RALGPS2: variants seen among roughly 807,000 people sequenced by gnomAD.
RALGPS2 encodes ras-specific guanine nucleotide-releasing factor RalGPS2.
RALGPS2 carries 43 observed loss-of-function variants against 86.8 expected under a neutral mutation model. The observed-to-expected ratio is 0.50, with a 90% confidence interval of 0.39 to 0.64. RALGPS2 has a LOEUF of 0.64. Among genes scored for constraint, RALGPS2 ranks in the 30% least tolerant of loss-of-function variants. The probability of loss-of-function intolerance (pLI) is 0.00; values close to 1 mark genes in which losing one functional copy is unlikely to be tolerated. For missense variants in RALGPS2, 536 were observed against 694.6 expected (o/e 0.77, Z 2.57); for synonymous variants, 243 against 231.3 (o/e 1.05, Z -0.46).
chr1:178,800,870 A>G (rs1469752527), intron 4 of RALGPS2, among the ~76,000 whole-genome samples: 1 of 152,044 alleles, frequency 6.6e-6, no homozygotes, highest in Admixed American at 6.6e-5. Context: ...AAGGGTGGAG[A>G]GAGGGCTGTG....
chr1:178,817,323 C>T (rs1263422841), intron 6 of RALGPS2, among the ~76,000 whole-genome samples: 23 of 125,044 alleles, frequency 1.8e-4, no homozygotes, highest in African/African-American at 6.5e-4. Flanking sequence ...CCAGCCTGGG[C>T]GACAGAGACT....
chr1:178,812,402 A>T lies in RALGPS2; in HGVS notation c.387+998A>T, dbSNP rs147777144. Among the ~76,000 whole-genome samples the T allele has an allele frequency of 5.9e-3, 896 of 152,248 alleles. 15 individuals carry two copies. The highest frequency in any genetic ancestry group is 0.021 in the African/African-American group (870 of 41,534). On this transcript the variant is annotated intron_variant, in intron 6 of 19. Coordinates refer to ENST00000367635, the MANE Select transcript of RALGPS2 (RefSeq NM_152663.5). ...TCTCAGAGCTACCCTCAGAAAGAAT[A>T]GTTGGGGTCGCCTATGGTTGAGTTA... is the stretch of plus-strand genomic sequence containing the variant.
Position 178,725,270 on chromosome 1 carries a change from G to GCA in RALGPS2, c.-233_-232insCA, listed in dbSNP as rs1558088559. ...CTCTCCTCCCCCGAGCGGCAGCGGC[G>GCA]GCGGCGGCGGCGGCTGCTGCGGGCG... On this transcript the variant is annotated 5_prime_UTR_variant, in exon 1 of 20. Coordinates refer to ENST00000367635, the MANE Select transcript of RALGPS2 (RefSeq NM_152663.5). 4.4e-4 allele frequency: 13 copies of GCA among 29,582 alleles called. No individual in the cohort carries two copies. The highest frequency in any genetic ancestry group is 1.3e-3 in the Admixed American group (3 of 2,230). 1.8% of individuals were successfully genotyped at this position (29,582 alleles called of 1,614,324 possible).
intron 8 of RALGPS2, among the ~76,000 whole-genome samples, chr1:178,873,239 C>G (rs1294991544): frequency 1.3e-5 from 2 of 151,896 alleles, no homozygotes; most frequent in Non-Finnish European, 2.9e-5. Flanking sequence ...TGAAGGGTGA[C>G]TAGATAAAAT....
intron 1 of RALGPS2, among the ~76,000 whole-genome samples, chr1:178,768,208 A>G (rs890759544): frequency 5.3e-5 from 8 of 152,122 alleles, no homozygotes; most frequent in African/African-American, 1.9e-4. Context: ...GTTAGGGACC[A>G]TTGCTGGAGA....
At chr1:178,764,660 A>G (rs1558108366) in intron 1 of RALGPS2, among the ~76,000 whole-genome samples, 1 of 152,146 alleles carries the variant, frequency 6.6e-6, no homozygotes, top group Non-Finnish European at 1.5e-5. Context: ...ATCTGGTGTA[A>G]TGAAATCCCT....
intron 10 of RALGPS2, 132 bp downstream of exon 10, chr1:178,879,124 G>A: frequency 1.6e-6 from 2 of 1,284,736 alleles, no homozygotes; most frequent in Non-Finnish European, 2.1e-6. Context: ...CAGCAGTAAA[G>A]GTACTAACAT....
At chr1:178,823,326 C>G (rs1655597933) in intron 7 of RALGPS2, among the ~76,000 whole-genome samples, 1 of 152,134 alleles carries the variant, frequency 6.6e-6, no homozygotes, top group African/African-American at 2.4e-5. Flanking sequence ...GCTATGCACT[C>G]TGTAATTGCT....
At position 178,907,636 on chromosome 1, in the gene RALGPS2, T is replaced by G. The variant is rs1308000943; in HGVS notation, c.1722+769T>G. ...AACACATAGCCACATTTATAGAAAT[T>G]TATATAGACTTTTTGTAGAACCAGT... is the stretch of plus-strand genomic sequence containing the variant. On this transcript the variant is annotated intron_variant, in intron 19 of 19. Transcript: ENST00000367635. Among the ~76,000 whole-genome samples, 3 of 152,202 alleles carry G rather than the reference T, an allele frequency of 2.0e-5. No homozygotes were observed. The East Asian group carries it at 5.8e-4, about 29-fold the overall frequency.
At chr1:178,899,134 T>C (rs1660061195) in intron 17 of RALGPS2, among the ~76,000 whole-genome samples, 1 of 151,954 alleles carries the variant, frequency 6.6e-6, no homozygotes, top group Admixed American at 6.6e-5. Flanking sequence ...AAAGTCCAAA[T>C]TAGAGAAGTT....
chr1:178,910,528 T>A (rs1405516013), intron 19 of RALGPS2, among the ~76,000 whole-genome samples: 1 of 152,214 alleles, frequency 6.6e-6, no homozygotes, highest in Non-Finnish European at 1.5e-5. Flanking sequence ...TCATATGGTT[T>A]TCTGTTTTTA....
At chr1:178,834,029 C>G (rs1371676522) in intron 8 of RALGPS2, among the ~76,000 whole-genome samples, 1 of 152,054 alleles carries the variant, frequency 6.6e-6, no homozygotes, top group Non-Finnish European at 1.5e-5. Flanking sequence ...CTGTATTTCG[C>G]ATCTCATCTA....
chr1:178,813,733 C>G (rs947082731), intron 6 of RALGPS2, among the ~76,000 whole-genome samples: 5 of 152,166 alleles, frequency 3.3e-5, no homozygotes, highest in Admixed American at 1.3e-4. Context: ...AGTTTAGGCA[C>G]TAGTCTTGAA....
intron 1 of RALGPS2, among the ~76,000 whole-genome samples, chr1:178,767,072 C>A (rs1652540211): frequency 6.6e-6 from 1 of 152,196 alleles, no homozygotes; most frequent in East Asian, 1.9e-4. Context: ...TAGTTTGGTT[C>A]TTTCTTAAAA....
chr1:178,864,535 TA>T (rs1312904048), intron 8 of RALGPS2, among the ~76,000 whole-genome samples: 1 of 152,150 alleles, frequency 6.6e-6, no homozygotes, highest in Non-Finnish European at 1.5e-5. Flanking sequence ...AGCAAAATTT[TA>T]CATGTTTCTT....
At chr1:178,835,330 T>C (rs112196535) in intron 8 of RALGPS2, among the ~76,000 whole-genome samples, 1 of 152,024 alleles carries the variant, frequency 6.6e-6, no homozygotes, top group Admixed American at 6.6e-5. Context: ...ATAGCATGCA[T>C]AGGACTAGAA....
intron 1 of RALGPS2, among the ~76,000 whole-genome samples, chr1:178,742,311 G>A (rs1651082223): frequency 6.6e-6 from 1 of 152,068 alleles, no homozygotes; most frequent in Non-Finnish European, 1.5e-5. Flanking sequence ...GCATTATGTG[G>A]CTATATTAAT....
chr1:178,762,355 C>A (rs775022734), intron 1 of RALGPS2, among the ~76,000 whole-genome samples: 3 of 152,100 alleles, frequency 2.0e-5, no homozygotes, highest in Non-Finnish European at 4.4e-5. Context: ...AATTTATATT[C>A]TTTTGGGTAT....
chr1:178,731,911 TCAAG>T (rs1650388856), intron 1 of RALGPS2, among the ~76,000 whole-genome samples: 1 of 152,078 alleles, frequency 6.6e-6, no homozygotes, highest in Non-Finnish European at 1.5e-5. Flanking sequence ...TCTAGTGAAA[TCAAG>T]CATAAGCAGT....
Sources: gnomAD v4.1 joint callset for allele counts (sites outside exome capture counted in the v4.1 genomes callset) on GRCh38, gnomAD v4.1.1 for gene constraint, MANE v1.5 for transcripts, NCBI Gene and HGNC (gene_info 2026-07-23, HGNC 2026-07-21) for gene names.